Variants in USH2A observed in about 807,000 individuals in gnomAD.
USH2A encodes Usher syndrome 2A (autosomal recessive, mild).
A neutral mutation model predicts 538.9 loss-of-function variants in USH2A; 443 were observed. That is an observed-to-expected ratio of 0.82 (90% CI 0.76 to 0.89). The LOEUF (loss-of-function observed/expected upper bound fraction) is 0.89, where lower values mean the gene tolerates loss of function less well. Ranked by LOEUF, USH2A falls within the 40% of genes least tolerant of loss-of-function variation. The pLI, the probability that USH2A is intolerant of heterozygous loss-of-function variation, is 0.00. For missense variants in USH2A, 6,633 were observed against 6,324.8 expected, an observed-to-expected ratio of 1.05 and a Z score of -1.65; for synonymous variants, 2,413 against 2,273.5, an observed-to-expected ratio of 1.06 and a Z score of -1.75.
chr1:216,097,393 A>C (rs1261495201), intron 21 of USH2A, among the ~76,000 whole-genome samples, 180 bp from the exon 22 acceptor site: 1 of 152,224 alleles, frequency 6.6e-6, no homozygotes, highest in African/African-American at 2.4e-5. Context: ...TTTAAATGCC[A>C]TTCAGTACTT....
intron 71 of USH2A, among the ~76,000 whole-genome samples, chr1:215,626,876 CAATGTATTATGTTG>C (rs1656044554): frequency 6.6e-6 from 1 of 152,136 alleles, no homozygotes; most frequent in South Asian, 2.1e-4. Flanking sequence ...TCTGAACTTT[CAATGTATTATGTTG>C]AATGTATAGC....
At chr1:216,311,806 CTAA>C (rs2102638231) in intron 9 of USH2A, among the ~76,000 whole-genome samples, 1 of 152,138 alleles carries the variant, frequency 6.6e-6, no homozygotes, top group Non-Finnish European at 1.5e-5. Context: ...GCATGAGTAC[CTAA>C]TAATAATAAA....
At chr1:216,013,840 T>A (rs1668638744) in intron 32 of USH2A, among the ~76,000 whole-genome samples, 1 of 152,194 alleles carries the variant, frequency 6.6e-6, no homozygotes, top group East Asian at 1.9e-4. Flanking sequence ...CAAAGCCTGT[T>A]TGGTGGTCTC....
intron 3 of USH2A, among the ~76,000 whole-genome samples, chr1:216,381,126 G>T (rs2038915608): frequency 6.6e-6 from 1 of 152,164 alleles, no homozygotes; most frequent in Admixed American, 6.5e-5. Context: ...TACAGAGGAA[G>T]TTGTATTTGT....
intron 61 of USH2A, among the ~76,000 whole-genome samples, chr1:215,724,514 G>A (rs1232968730): frequency 1.3e-5 from 2 of 152,080 alleles, no homozygotes; most frequent in African/African-American, 4.8e-5. Context: ...TGATGGGTAC[G>A]ATGTACATTA....
At chr1:216,366,066 C>T (rs1249682739) in intron 3 of USH2A, among the ~76,000 whole-genome samples, 2 of 152,150 alleles carry the variant, frequency 1.3e-5, no homozygotes, top group African/African-American at 4.8e-5. Context: ...GTTTGGACAT[C>T]AACTTCATCT....
intron 3 of USH2A, among the ~76,000 whole-genome samples, chr1:216,395,004 C>T: frequency 6.6e-6 from 1 of 152,166 alleles, no homozygotes; most frequent in East Asian, 1.9e-4. Flanking sequence ...AGGCGTGAGC[C>T]ACCGCGCCCA....
chr1:216,200,620 G>T (rs2034966445), intron 16 of USH2A, among the ~76,000 whole-genome samples: 1 of 152,182 alleles, frequency 6.6e-6, no homozygotes, highest in African/African-American at 2.4e-5. Context: ...CTAAATTTTG[G>T]AGACATTTGT....
At chr1:216,275,470 T>G (rs1052832182) in intron 11 of USH2A, among the ~76,000 whole-genome samples, 1 of 152,124 alleles carries the variant, frequency 6.6e-6, no homozygotes, top group Admixed American at 6.6e-5. Context: ...TTGGCTTAAC[T>G]ATCTGTTTTA....
rs763209475 is a variant in USH2A at position 215,674,287 on chromosome 1, C to T, written c.13624G>A (p.Ala4542Thr). The stretch of plus-strand genomic sequence containing the variant: ...ACTAAGATCTCCTGAGGACCCCTGG[C>T]CTGCAATTTTGGAGGTTCCATCCCT... ...PSGMEPPKLQ[A>T]RGPQEILVNW... Residue 4542 changes from alanine to threonine, a missense_variant, in exon 63 of 72, where the codon GCC becomes ACC. Coordinates refer to ENST00000307340, the MANE Select transcript of USH2A (RefSeq NM_206933.4). The T allele has an allele frequency of 6.2e-7, 1 of 1,614,126 alleles. No individual in the cohort carries two copies. Among genetic ancestry groups the T allele is most frequent in the South Asian group, 1.1e-5 (1 of 91,066 alleles).
chr1:215,881,137 T>C (rs1664894753), intron 41 of USH2A, among the ~76,000 whole-genome samples: 1 of 152,072 alleles, frequency 6.6e-6, no homozygotes, highest in Non-Finnish European at 1.5e-5. Context: ...AATCAATGTG[T>C]TCAAGTTTTT....
At chr1:216,130,211 G>T (rs2033342144) in intron 21 of USH2A, among the ~76,000 whole-genome samples, 1 of 151,816 alleles carries the variant, frequency 6.6e-6, no homozygotes, top group South Asian at 2.1e-4. Context: ...TTGGTTACAT[G>T]AGTAAGTTCT....
intron 45 of USH2A, among the ~76,000 whole-genome samples, chr1:215,845,467 A>G (rs1233829427): frequency 1.3e-5 from 2 of 151,936 alleles, no homozygotes; most frequent in African/African-American, 4.8e-5. Flanking sequence ...GAGGGCTCTC[A>G]CTGTGTTTGG....
chr1:216,229,176 A>G (rs1319188361), intron 14 of USH2A, among the ~76,000 whole-genome samples: 1 of 150,610 alleles, frequency 6.6e-6, no homozygotes, highest in Non-Finnish European at 1.5e-5. Flanking sequence ...ACTCTGTCCA[A>G]AAAAAAAACC....
chr1:215,973,202 T>G (rs1667536441), intron 35 of USH2A, among the ~76,000 whole-genome samples: 1 of 152,188 alleles, frequency 6.6e-6, no homozygotes, highest in Non-Finnish European at 1.5e-5. Context: ...AGTTCCCTTT[T>G]CTTACATAAT....
Position 216,046,557 on chromosome 1 carries a change from G to A in USH2A, c.6199C>T (p.Leu2067Phe). The A allele has an allele frequency of 6.2e-7, 1 of 1,613,866 alleles. No homozygotes were observed. The highest frequency in any genetic ancestry group is 8.5e-7 in the Non-Finnish European group (1 of 1,179,814). Residue 2067 changes from leucine to phenylalanine, a missense_variant, in exon 32 of 72, where the codon CTT becomes TTT. By Grantham distance (22) the Leu-to-Phe change is conservative. Coordinates refer to ENST00000307340, the MANE Select transcript of USH2A (RefSeq NM_206933.4). Reference protein sequence around the residue: ...QEVQPPVAKSLPSSLLLSWNP... With the variant: ...QEVQPPVAKSFPSSLLLSWNP... The stretch of plus-strand genomic sequence containing the variant: ...CAGGAGAGCAGCAAAGAACTGGGAA[G>A]GGATTTGGCTACTGGTGGCTGAACC...
chr1:215,801,160 A>G (rs1019158627), intron 49 of USH2A, among the ~76,000 whole-genome samples: 1 of 152,118 alleles, frequency 6.6e-6, no homozygotes, highest in South Asian at 2.1e-4. Context: ...AGTATATGAG[A>G]AAAACCTATA....
chr1:216,383,393 G>A (rs1012045582), intron 3 of USH2A, among the ~76,000 whole-genome samples: 1 of 152,114 alleles, frequency 6.6e-6, no homozygotes, highest in Non-Finnish European at 1.5e-5. Context: ...TGTTATGAAA[G>A]GATACTCAAT....
chr1:216,118,771 A>C (rs909336202), intron 21 of USH2A, among the ~76,000 whole-genome samples: 2 of 152,134 alleles, frequency 1.3e-5, no homozygotes, highest in Admixed American at 1.3e-4. Context: ...CTATGATACC[A>C]CCCTTTAATA....
Sources: allele counts gnomAD v4.1 joint callset (sites outside exome capture counted in the v4.1 genomes callset), GRCh38; gene constraint gnomAD v4.1.1; transcripts MANE v1.5; gene names NCBI Gene and HGNC (gene_info 2026-07-23, HGNC 2026-07-21).